Variants in IQCE observed in about 807,000 individuals in gnomAD.
The protein encoded by IQCE is IQ domain-containing protein E.
Under a neutral mutation model 96.0 loss-of-function variants are expected in IQCE, and 115 were observed. The observed-to-expected ratio is 1.20, with a 90% CI of 1.03 to 1.40. The LOEUF (loss-of-function observed/expected upper bound fraction) is 1.40. IQCE is among the 40% of genes most tolerant of loss of function. The pLI is 0.00. For synonymous variants in IQCE, 412 were observed against 371.2 expected, an observed-to-expected ratio of 1.11 and a Z score of -1.26; for missense variants, 1,041 against 909.1, an observed-to-expected ratio of 1.15 and a Z score of -1.87.
Position 2,611,110 on chromosome 7 carries a change from T to TGGGCTGGGCTG in IQCE, c.*950_*951insGCTGGGCTGGG. On this transcript the variant is annotated 3_prime_UTR_variant, in exon 22 of 22. Transcript: ENST00000402050. ...GCGGCCTCTGCACTCCCAAGCTCCA[T>TGGGCTGGGCTG]GGCTGGGCTGGGCTGGGCTGGGCTG... 2.7e-5 allele frequency: 1 copy of TGGGCTGGGCTG among 36,604 alleles called. No homozygotes were observed. The highest frequency in any genetic ancestry group is 1.4e-4 in the African/African-American group (1 of 7,308). The allele number at this position is 36,604 out of a possible 1,614,324, so 2.3% of individuals were successfully genotyped here.
At chr7:2,572,054 C>A (rs1386512162) in intron 4 of IQCE, 138 bp from the exon 5 acceptor site, 7 of 901,000 alleles carry the variant, frequency 7.8e-6, no homozygotes, top group Non-Finnish European at 1.2e-5. Flanking sequence ...GTTGGTTAAC[C>A]ATTTACCAGC....
chr7:2,576,731 G>A (rs542557702), intron 6 of IQCE, among the ~76,000 whole-genome samples: 8 of 152,270 alleles, frequency 5.3e-5, no homozygotes, highest in Non-Finnish European at 7.4e-5. Context: ...CCCCACTCAC[G>A]TCACCACAAA....
chr7:2,584,745 T>C (rs1782964761), intron 11 of IQCE: 1 of 170,014 alleles, frequency 5.9e-6, no homozygotes, highest in Non-Finnish European at 1.3e-5. Context: ...GTGGCTGATC[T>C]CTGATCATGG....
chr7:2,603,370 A>G (rs1010185772), intron 18 of IQCE, among the ~76,000 whole-genome samples: 3 of 152,176 alleles, frequency 2.0e-5, no homozygotes, highest in Admixed American at 2.0e-4. Context: ...GGCGCCTGGC[A>G]TGTGGGAGGC....
chr7:2,563,325 T>TA (rs1295930623), intron 1 of IQCE, among the ~76,000 whole-genome samples: 8 of 152,048 alleles, frequency 5.3e-5, no homozygotes, highest in Non-Finnish European at 8.8e-5. Flanking sequence ...GTCTCCTGTG[T>TA]AGTTGGGACC....
chr7:2,586,372 G>A lies in IQCE; in HGVS notation c.988+1G>A, dbSNP rs372247306. 2 of 1,609,038 alleles carry A rather than the reference G, an allele frequency of 1.2e-6. No homozygotes were observed. The highest frequency in any genetic ancestry group is 1.7e-6 in the Non-Finnish European group (2 of 1,178,746). On this transcript the variant is annotated splice_donor_variant, in intron 12 of 21. Transcript: ENST00000402050. LOFTEE classifies it high-confidence loss of function. The stretch of plus-strand genomic sequence containing the variant: ...TCCCCAACCATCTCCAAGACACAGG[G>A]TACCTTCCTGAAAGCCACTCCAGGA...
intron 6 of IQCE, among the ~76,000 whole-genome samples, chr7:2,574,931 C>T (rs1456928873): frequency 6.6e-6 from 1 of 152,202 alleles, no homozygotes; most frequent in Non-Finnish European, 1.5e-5. Flanking sequence ...TGTGCGGCTC[C>T]TTCTGTCTTG....
intron 17 of IQCE, chr7:2,598,881 A>G (rs1005760650): frequency 5.2e-6 from 2 of 382,830 alleles, no homozygotes; most frequent in African/African-American, 2.1e-5. Context: ...ATTCGAAAGT[A>G]AGTTTTAGAC....
At chr7:2,565,860 A>G (rs1298304527) in intron 1 of IQCE, among the ~76,000 whole-genome samples, 1 of 152,228 alleles carries the variant, frequency 6.6e-6, no homozygotes, top group Non-Finnish European at 1.5e-5. Context: ...TTTGGAATGC[A>G]CCGTCTTTCC....
intron 15 of IQCE, 124 bp downstream of exon 15, chr7:2,593,250 A>G: frequency 7.2e-7 from 1 of 1,384,194 alleles, no homozygotes; most frequent in Non-Finnish European, 9.7e-7. Context: ...ACACCTCCTC[A>G]CAGTCTTTCA....
chr7:2,575,935 C>T (rs530665659), intron 6 of IQCE, among the ~76,000 whole-genome samples: 1 of 152,304 alleles, frequency 6.6e-6, no homozygotes, highest in East Asian at 1.9e-4. Flanking sequence ...GTGGTACTGA[C>T]AGGAGGAATT....
chr7:2,560,030 C>T (rs1583367357), intron 1 of IQCE, among the ~76,000 whole-genome samples: 2 of 152,134 alleles, frequency 1.3e-5, no homozygotes, highest in South Asian at 2.1e-4. Context: ...TGTGGTGGTG[C>T]CTGCCTGTAG....
chr7:2,582,528 C>T (rs956186360), intron 8 of IQCE, 52 bp from the exon 9 acceptor site: 1 of 1,520,640 alleles, frequency 6.6e-7, no homozygotes, highest in Non-Finnish European at 9.1e-7. Flanking sequence ...ACAGCCGCTT[C>T]TACTGAGGGA....
chr7:2,605,581 C>G (rs1215813154), intron 19 of IQCE, among the ~76,000 whole-genome samples: 1 of 152,042 alleles, frequency 6.6e-6, no homozygotes, highest in Non-Finnish European at 1.5e-5. Context: ...GATCACGCCA[C>G]TGCACTCCAG....
chr7:2,583,523 C>G, intron 9 of IQCE, 114 bp from the exon 10 acceptor site: 1 of 597,548 alleles, frequency 1.7e-6, no homozygotes, highest in Non-Finnish European at 2.7e-6. Context: ...TCCCTCCCAT[C>G]CTGGGTCTTT....
intron 20 of IQCE, among the ~76,000 whole-genome samples, chr7:2,606,898 C>T (rs1186465238): frequency 2.0e-5 from 3 of 152,164 alleles, no homozygotes; most frequent in African/African-American, 7.2e-5. Context: ...TCAGCATGGT[C>T]CCCGAGGAGA....
chr7:2,589,102 T>C (rs1170740284), intron 13 of IQCE, among the ~76,000 whole-genome samples: 1 of 152,176 alleles, frequency 6.6e-6, no homozygotes, highest in Non-Finnish European at 1.5e-5. Context: ...GTACAATGAC[T>C]CACACCAGCA....
chr7:2,601,310 G>T, intron 17 of IQCE, 131 bp from the exon 18 acceptor site: 1 of 684,000 alleles, frequency 1.5e-6, no homozygotes, highest in Non-Finnish European at 2.6e-6. Flanking sequence ...GGCAGCTCGG[G>T]AGGGAGGAGC....
At chr7:2,572,506 G>A (rs1263501354) in intron 5 of IQCE, among the ~76,000 whole-genome samples, 180 bp downstream of exon 5, 2 of 152,166 alleles carry the variant, frequency 1.3e-5, no homozygotes, top group Admixed American at 1.3e-4. Context: ...ACAAAAACCC[G>A]CCTGCCCCAG....
Sources: gnomAD v4.1 joint callset for allele counts (sites outside exome capture counted in the v4.1 genomes callset) on GRCh38, gnomAD v4.1.1 for gene constraint, MANE v1.5 for transcripts, NCBI Gene and HGNC (gene_info 2026-07-23, HGNC 2026-07-21) for gene names.